Variants in MYH14 observed in about 807,000 individuals in gnomAD.
MYH14 encodes the protein myosin heavy chain 14.
MYH14 carries 123 observed loss-of-function variants against 255.5 expected under a neutral mutation model. The ratio of observed to expected loss-of-function variants is 0.48; its 90% CI spans 0.42 to 0.56. MYH14 has a LOEUF of 0.56. MYH14 is among the 20% of genes least tolerant of loss of function. The pLI is 0.00. For synonymous variants in MYH14, 1,095 were observed against 1,161.2 expected (o/e 0.94, Z 1.16); for missense variants, 2,423 against 2,802.3 (o/e 0.86, Z 3.06).
At chr19:50,303,983 C>T (rs888773290) in intron 40 of MYH14, among the ~76,000 whole-genome samples, 1 of 152,224 alleles carries the variant, frequency 6.6e-6, no homozygotes, top group Non-Finnish European at 1.5e-5. Context: ...TTTCCTATTG[C>T]TCAGTACTAT....
chr19:50,250,769 A>G lies in MYH14; in HGVS notation c.1830+81A>G. On this transcript the variant is annotated intron_variant, in intron 15 of 42. Coordinates refer to ENST00000642316, the MANE Select transcript of MYH14 (RefSeq NM_001145809.2). The surrounding 1 kb of genome is among the most constrained non-coding windows in gnomAD (Gnocchi z 5.4). ...CTGGCTACAGATGGGGGGAGGGTGC[A>G]GAGGGAAAACAGGGTCCTCCTGAGG... is the stretch of plus-strand genomic sequence containing the variant. 1 of 1,453,334 alleles carries G rather than the reference A, an allele frequency of 6.9e-7. No homozygotes were observed. The highest frequency in any genetic ancestry group is 1.3e-5 in the South Asian group (1 of 77,716). The allele number at this position is 1,453,334 out of a possible 1,614,324, so 90.0% of individuals were successfully genotyped here.
At chr19:50,257,215 A>G in intron 17 of MYH14, 84 bp from the exon 18 acceptor site, 2 of 1,162,096 alleles carry the variant, frequency 1.7e-6, no homozygotes, top group South Asian at 3.2e-5. Flanking sequence ...GTTGTGATAA[A>G]TGATAAGACC....
At chr19:50,257,521 G>A (rs1036847236) in intron 18 of MYH14, 35 bp downstream of exon 18, 8 of 1,563,390 alleles carry the variant, frequency 5.1e-6, no homozygotes, top group Non-Finnish European at 6.9e-6. Flanking sequence ...AGGGGTGGCT[G>A]TGGCTGTGGG....
At position 50,207,695 on chromosome 19, in the gene MYH14, G is replaced by A. The variant is rs1185822193; in HGVS notation, c.-3-2668G>A. Among the ~76,000 whole-genome samples, 5 of 152,204 alleles carry A rather than the reference G, an allele frequency of 3.3e-5. No individual in the cohort carries two copies. The East Asian group carries it at 7.7e-4, about 23-fold the overall frequency. ...ATTGTTCACTGAAGCAGTGAGATTC[G>A]AGTCTATTCTGCAGGCATGAGATAG... On this transcript the variant is annotated intron_variant, in intron 1 of 42. Transcript: ENST00000642316.
chr19:50,230,665 TG>T lies in MYH14; in HGVS notation c.973+45del. Reference sequence around the variant, plus strand: ...CCTACCCTGCTCACCCGGGAGAGGGTGGGCACCATGTCTCTCGGGGGCCCCT... The same window carrying T: ...CCTACCCTGCTCACCCGGGAGAGGGTGGCACCATGTCTCTCGGGGGCCCCT... On this transcript the variant is annotated intron_variant, in intron 9 of 42. Coordinates refer to ENST00000642316, the MANE Select transcript of MYH14 (RefSeq NM_001145809.2). This position sits in a 1 kb window ranked among gnomAD's most constrained non-coding sequence, Gnocchi z 4.7. The T allele has an allele frequency of 6.6e-7, 1 of 1,523,914 alleles. No homozygotes were observed. 94.4% of individuals were successfully genotyped at this position (1,523,914 alleles called of 1,614,324 possible).
chr19:50,225,133 G>T (rs568460054), intron 6 of MYH14, among the ~76,000 whole-genome samples: 2 of 152,282 alleles, frequency 1.3e-5, no homozygotes, highest in Non-Finnish European at 2.9e-5. Flanking sequence ...CAAATCAGAT[G>T]AAATGAAATT....
rs369618614 is a variant in MYH14, at chr19:50,248,948, T to C, written c.1330-39T>C. The C allele has an allele frequency of 5.0e-6, 8 of 1,609,882 alleles. No homozygotes were observed. In the African/African-American group the frequency reaches 9.3e-5, roughly 19 times the overall value. On this transcript the variant is annotated intron_variant, in intron 12 of 42. Coordinates refer to ENST00000642316, the MANE Select transcript of MYH14 (RefSeq NM_001145809.2). ...CCCCCGACGTCTTTCAGTCTGCTGA[T>C]GTGCAGGCTGCGCCCTTACCATGAG...
At position 50,301,762 on chromosome 19, in the gene MYH14, A is replaced by G. The variant is rs2036488990; in HGVS notation, c.5571A>G (p.Gly1857=). The G allele has an allele frequency of 9.3e-6, 15 of 1,613,866 alleles. No homozygotes were observed. Among genetic ancestry groups the G allele is most frequent in the Non-Finnish European group, 1.2e-5 (14 of 1,179,854 alleles). The change falls in exon 40 of 43, where the codon GGA becomes GGG. Residue 1857 remains glycine (G), a synonymous_variant. Transcript: ENST00000642316. ...AACGGCAGATCCAGGAGCTACGGGGACGCCTGGGTGAGGAGGATGCTGGGG... is the reference window on the plus strand; with the variant it reads ...AACGGCAGATCCAGGAGCTACGGGGGCGCCTGGGTGAGGAGGATGCTGGGG... ...QLERQIQELR[G]RLGEEDAGAR... is the part of the protein sequence containing the mutation.
In MYH14 at chr19:50,268,368, G is replaced by T; in HGVS notation, c.3033+1G>T. 1 of 1,562,656 alleles carries T rather than the reference G, an allele frequency of 6.4e-7. No individual in the cohort carries two copies. Among genetic ancestry groups the T allele is most frequent in the Non-Finnish European group, 8.7e-7 (1 of 1,154,830 alleles). ...GAAGAGGCTGCAGCAGCACATACAGGTCTGGCCCCTTGCATGCCCACCAGG... is the reference window on the plus strand; with the variant it reads ...GAAGAGGCTGCAGCAGCACATACAGTTCTGGCCCCTTGCATGCCCACCAGG... On this transcript the variant is annotated splice_donor_variant, in intron 24 of 42. Coordinates refer to ENST00000642316, the MANE Select transcript of MYH14 (RefSeq NM_001145809.2). LOFTEE classifies it high-confidence loss of function.
intron 27 of MYH14, among the ~76,000 whole-genome samples, chr19:50,273,317 G>T (rs1042401771): frequency 9.7e-5 from 11 of 113,478 alleles, no homozygotes; most frequent in Admixed American, 8.1e-4. Context: ...AAAAAAAAAA[G>T]AGCTATTTCT....
chr19:50,210,855 A>G, intron 2 of MYH14, 85 bp downstream of exon 2: 2 of 1,509,836 alleles, frequency 1.3e-6, no homozygotes, highest in Non-Finnish European at 8.8e-7. Context: ...CCCCTGCATT[A>G]ACTTGAGGCT....
rs533414353 is a variant in MYH14, at chr19:50,215,137, C to T, written c.406-2478C>T. Among the ~76,000 whole-genome samples the T allele has an allele frequency of 2.3e-4, 35 of 152,288 alleles. 1 individual carries two copies. In the South Asian group the frequency reaches 7.2e-3, roughly 32 times the overall value. ...GGGTGCACCAGCCTTTGTTCTTCCC[C>T]CCAGCCTTGTTGACCAGCTCAGGTT... On this transcript the variant is annotated intron_variant, in intron 2 of 42. Transcript: ENST00000642316.
chr19:50,209,739 G>A (rs1297067897), intron 1 of MYH14, among the ~76,000 whole-genome samples: 45 of 145,764 alleles, frequency 3.1e-4, no homozygotes, highest in Admixed American at 1.2e-3. Flanking sequence ...AGCCGAGATC[G>A]TGCCACTGCA....
At chr19:50,272,448 A>G in intron 26 of MYH14, 112 bp from the exon 27 acceptor site, 1 of 1,115,388 alleles carries the variant, frequency 9.0e-7, no homozygotes, top group Admixed American at 2.0e-5. Context: ...GAAGGCGTTA[A>G]GGGAGGTGCT....
chr19:50,289,341 C>T, intron 34 of MYH14, 95 bp from the exon 35 acceptor site: 1 of 1,005,926 alleles, frequency 9.9e-7, no homozygotes, highest in Non-Finnish European at 1.5e-6. Flanking sequence ...CTTGCCATCT[C>T]CCCATCCTCC....
chr19:50,299,384 A>G (rs1017534629), intron 39 of MYH14, among the ~76,000 whole-genome samples: 2 of 151,908 alleles, frequency 1.3e-5, no homozygotes, highest in Non-Finnish European at 2.9e-5. Flanking sequence ...AGCCTGCCCA[A>G]CATGGAGAAA....
intron 2 of MYH14, among the ~76,000 whole-genome samples, chr19:50,214,910 A>G (rs74416769): frequency 0.021 from 3,189 of 152,222 alleles, 46 homozygotes; most frequent in Middle Eastern, 0.034. Context: ...GTTTTTATCC[A>G]TGATCTCCCC....
chr19:50,292,453 G>A (rs1209454562), intron 37 of MYH14, 64 bp downstream of exon 37: 7 of 1,453,548 alleles, frequency 4.8e-6, no homozygotes, highest in Non-Finnish European at 6.4e-6. Flanking sequence ...CTAACCTTGA[G>A]GTCCCTGGAT....
intron 41 of MYH14, chr19:50,308,523 G>C (rs1374274358): frequency 6.5e-6 from 1 of 154,226 alleles, no homozygotes; most frequent in Non-Finnish European, 1.4e-5. Context: ...ATGTGGGATA[G>C]GAAGGCTGAA....
Sources: gnomAD v4.1 joint callset for allele counts (sites outside exome capture counted in the v4.1 genomes callset) on GRCh38, gnomAD v4.1.1 for gene constraint, Gnocchi (gnomAD v3.1) non-coding constraint, MANE v1.5 for transcripts, NCBI Gene and HGNC (gene_info 2026-07-23, HGNC 2026-07-21) for gene names.